The following SULF1 variants were observed in gnomAD, a reference collection of about 807,000 sequenced individuals.
SULF1 encodes the protein extracellular sulfatase Sulf-1.
Under a neutral mutation model 110.5 loss-of-function variants are expected in SULF1, and 46 were observed. The ratio of observed to expected loss-of-function variants is 0.42; its 90% confidence interval spans 0.33 to 0.53. The LOEUF is 0.53. Ranked by LOEUF, SULF1 falls within the 20% of genes least tolerant of loss-of-function variation. SULF1 has a pLI of 0.12. For missense variants in SULF1, 941 were observed against 1,094.2 expected, an observed-to-expected ratio of 0.86 and a Z score of 1.98; for synonymous variants, 371 against 387.1, an observed-to-expected ratio of 0.96 and a Z score of 0.49.
chr8:69,513,312 C>T (rs1374731654), intron 3 of SULF1, among the ~76,000 whole-genome samples: 1 of 152,152 alleles, frequency 6.6e-6, no homozygotes, highest in African/African-American at 2.4e-5. Flanking sequence ...TAAAAGACTC[C>T]TGTGGAAATA....
Position 69,646,122 on chromosome 8 carries a change from A to G in SULF1, c.2585+5281A>G, listed in dbSNP as rs1028703859. Among the ~76,000 whole-genome samples, 3 of 151,220 alleles carry G rather than the reference A, an allele frequency of 2.0e-5. No homozygotes were observed. The East Asian group carries it at 5.8e-4, about 29-fold the overall frequency. Reference sequence around the variant, plus strand: ...AATGTGGTCACCCTAGTTACATGCTACATCAAAGGATGTAATCCCTGTCCT... The same window carrying G: ...AATGTGGTCACCCTAGTTACATGCTGCATCAAAGGATGTAATCCCTGTCCT... On this transcript the variant is annotated intron_variant, in intron 22 of 22. Coordinates refer to ENST00000402687, the MANE Select transcript of SULF1 (RefSeq NM_001128205.2).
chr8:69,499,819 A>AC (rs747564812), intron 2 of SULF1, among the ~76,000 whole-genome samples: 8 of 152,160 alleles, frequency 5.3e-5, no homozygotes, highest in Non-Finnish European at 8.8e-5. Flanking sequence ...GTGTGATCAT[A>AC]GTTCACTGCA....
intron 3 of SULF1, among the ~76,000 whole-genome samples, chr8:69,534,524 A>G (rs995145435): frequency 1.3e-5 from 2 of 152,226 alleles, no homozygotes; most frequent in Non-Finnish European, 2.9e-5. Context: ...TTTAGAATAT[A>G]TAAGAACAAG....
intron 14 of SULF1, among the ~76,000 whole-genome samples, chr8:69,622,585 A>T (rs75696471): frequency 1.5e-5 from 2 of 136,502 alleles, no homozygotes; most frequent in Non-Finnish European, 1.5e-5. Flanking sequence ...ACTCCGTCTC[A>T]AAAAAAAAAA....
chr8:69,625,082 C>T (rs1401956647), intron 15 of SULF1, among the ~76,000 whole-genome samples: 6 of 152,140 alleles, frequency 3.9e-5, no homozygotes, highest in Admixed American at 3.9e-4. Flanking sequence ...ACTGTCTATC[C>T]CTGGGGCTGT....
rs56386460 is a variant in SULF1, at chr8:69,510,945, TACACACAC to T, written c.-134+9011_-134+9018del. 5.5e-3 allele frequency among the ~76,000 whole-genome samples: 772 copies of T among 141,188 alleles called. 3 individuals are homozygous for T. Among genetic ancestry groups the T allele is most frequent in the Middle Eastern group, 0.018 (5 of 284 alleles). The allele number at this position is 141,188 out of a possible 152,430, so 92.6% of individuals were successfully genotyped here. A position where few individuals can be genotyped will look rare whatever the true frequency, so the allele number is the denominator to read the frequency against. On this transcript the variant is annotated intron_variant, in intron 3 of 22. Transcript: ENST00000402687. ...TAATAATGTTAGTCCATATCATCAT[TACACACAC>T]ACACACACACACACACACACACACA...
At chr8:69,544,251 G>GT (rs374757959) in intron 3 of SULF1, among the ~76,000 whole-genome samples, 99 of 150,310 alleles carry the variant, frequency 6.6e-4, no homozygotes, top group East Asian at 2.1e-3. Flanking sequence ...CAAAACAAAT[G>GT]TTTTTTTTTG....
At chr8:69,496,310 T>C (rs1810351681) in intron 2 of SULF1, among the ~76,000 whole-genome samples, 2 of 152,270 alleles carry the variant, frequency 1.3e-5, no homozygotes, top group South Asian at 4.1e-4. Flanking sequence ...TTTCCACCTC[T>C]AAATATAAAG....
At chr8:69,609,712 T>C (rs1328700134) in intron 13 of SULF1, among the ~76,000 whole-genome samples, 1 of 152,216 alleles carries the variant, frequency 6.6e-6, no homozygotes, top group Admixed American at 6.5e-5. Flanking sequence ...TTTGAAACTA[T>C]GAATGGCAAT....
intron 19 of SULF1, among the ~76,000 whole-genome samples, chr8:69,632,586 T>TCAAATC (rs962421672): frequency 6.6e-6 from 1 of 152,018 alleles, no homozygotes; most frequent in African/African-American, 2.4e-5. Flanking sequence ...AAAAGAAAAG[T>TCAAATC]CAAATCCACC....
At chr8:69,517,719 G>A (rs896009268) in intron 3 of SULF1, among the ~76,000 whole-genome samples, 1 of 152,080 alleles carries the variant, frequency 6.6e-6, no homozygotes, top group African/African-American at 2.4e-5. Context: ...AAAGTATCCA[G>A]TAAAAAAGAA....
chr8:69,493,544 A>G (rs898046338), intron 1 of SULF1, among the ~76,000 whole-genome samples: 2 of 151,984 alleles, frequency 1.3e-5, no homozygotes, highest in African/African-American at 4.8e-5. Context: ...GACAAGGAGA[A>G]ATGATGCCAC....
chr8:69,609,777 T>A (rs1270846432), intron 13 of SULF1, among the ~76,000 whole-genome samples: 1 of 152,194 alleles, frequency 6.6e-6, no homozygotes, highest in East Asian at 1.9e-4. Context: ...TATGGGCAGC[T>A]TTAGAGATGC....
chr8:69,496,154 C>T (rs74774883), intron 2 of SULF1, among the ~76,000 whole-genome samples: 5,219 of 152,296 alleles, frequency 0.034, 287 homozygotes, highest in African/African-American at 0.12. Flanking sequence ...AGAGCTGTTA[C>T]CCTACCTGAG....
At chr8:69,624,244 C>T in intron 15 of SULF1, 47 bp downstream of exon 15, 1 of 1,523,496 alleles carries the variant, frequency 6.6e-7, no homozygotes, top group Non-Finnish European at 8.8e-7. Context: ...AGAATTACCA[C>T]CACAACACAC....
chr8:69,527,819 A>T (rs1211323873), intron 3 of SULF1, among the ~76,000 whole-genome samples: 1 of 152,050 alleles, frequency 6.6e-6, no homozygotes, highest in African/African-American at 2.4e-5. Context: ...TTGCAGGGAA[A>T]ATGCATGATG....
At chr8:69,622,058 T>C (rs564571845) in intron 14 of SULF1, among the ~76,000 whole-genome samples, 22 of 152,388 alleles carry the variant, frequency 1.4e-4, no homozygotes, top group African/African-American at 5.3e-4. Context: ...GGCATTTTTA[T>C]TGTAGACTCC....
rs190859651 is a variant in SULF1 at position 69,470,827 on chromosome 8, C to T, written c.-391+3877C>T. 1.5e-3 allele frequency among the ~76,000 whole-genome samples: 221 copies of T among 152,302 alleles called. 1 individual carries two copies. The highest frequency in any genetic ancestry group is 4.9e-3 in the African/African-American group (205 of 41,568). Reference sequence around the variant, plus strand: ...CCAACCATTTCTCCCCGCCAAATCCCCACAACCTCAGAAGTCTACCCTTCC... The same window carrying T: ...CCAACCATTTCTCCCCGCCAAATCCTCACAACCTCAGAAGTCTACCCTTCC... On this transcript the variant is annotated intron_variant, in intron 1 of 22. Transcript: ENST00000260128.
intron 3 of SULF1, among the ~76,000 whole-genome samples, chr8:69,559,769 T>C (rs1181246162): frequency 6.6e-6 from 1 of 151,704 alleles, no homozygotes; most frequent in Non-Finnish European, 1.5e-5. Context: ...AGGGACTTTG[T>C]GTGAACCTCT....
Sources: gnomAD v4.1 joint callset for allele counts (sites outside exome capture counted in the v4.1 genomes callset) on GRCh38, gnomAD v4.1.1 for gene constraint, MANE v1.5 for transcripts, NCBI Gene and HGNC (gene_info 2026-07-23, HGNC 2026-07-21) for gene names.